The following MYO3A variants were observed in gnomAD, a reference collection of about 807,000 sequenced individuals.
MYO3A encodes myosin-IIIa.
In MYO3A, 180 loss-of-function variants were observed where a neutral mutation model predicts 192.7. That is an observed-to-expected ratio of 0.93 (90% CI 0.83 to 1.06). MYO3A has a LOEUF of 1.06. Ranked by LOEUF, MYO3A falls within the 50% of genes least tolerant of loss-of-function variation. The pLI is 0.00. For missense variants in MYO3A, 1,896 were observed against 1,905.0 expected, an observed-to-expected ratio of 1.00 and a Z score of 0.09; for synonymous variants, 628 against 645.3, an observed-to-expected ratio of 0.97 and a Z score of 0.41.
intron 23 of MYO3A, among the ~76,000 whole-genome samples, chr10:26,153,138 A>C (rs1423074909): frequency 6.6e-6 from 1 of 152,208 alleles, no homozygotes; most frequent in Non-Finnish European, 1.5e-5. Flanking sequence ...TGTGAAAGTG[A>C]ACTGCATTTC....
At chr10:26,090,233 T>C (rs897498420) in intron 15 of MYO3A, among the ~76,000 whole-genome samples, 3 of 152,216 alleles carry the variant, frequency 2.0e-5, no homozygotes, top group Non-Finnish European at 4.4e-5. Context: ...TAATTCACGG[T>C]GTATTCTATG....
At chr10:26,200,401 CCA>C (rs1843628406) in intron 32 of MYO3A, among the ~76,000 whole-genome samples, 1 of 152,170 alleles carries the variant, frequency 6.6e-6, no homozygotes, top group South Asian at 2.1e-4. Flanking sequence ...TATAGGGTTT[CCA>C]CAGTTATAAT....
At position 26,157,515 on chromosome 10, in the gene MYO3A, G is replaced by A. The variant is rs755548787; in HGVS notation, c.2999G>A (p.Arg1000Gln). 1.3e-5 allele frequency: 21 copies of A among 1,612,274 alleles called. No homozygotes were observed. The highest frequency in any genetic ancestry group is 6.7e-5 in the Admixed American group (4 of 59,988). ...HRILFANFIK[R>Q]YYLLCYKSSE... ...ATACTTTTTGCTAACTTTATAAAGC[G>A]GTATGTGGATTTCTTTTTCAGTTTC... The change falls in exon 26 of 35, where the codon CGG becomes CAG. Residue 1000 changes from arginine to glutamine, a missense_variant and splice_region_variant. Transcript: ENST00000642920.
chr10:26,128,499 T>G lies in MYO3A; in HGVS notation c.2223T>G (p.Ile741Met). 1 of 1,612,784 alleles carries G rather than the reference T, an allele frequency of 6.2e-7. No homozygotes were observed. The highest frequency in any genetic ancestry group is 8.5e-7 in the Non-Finnish European group (1 of 1,179,192). Residue 741 changes from isoleucine (I) to methionine (M), a missense_variant, in exon 20 of 35, where the codon ATT becomes ATG. Transcript: ENST00000642920. ...GCATTAACATTGCAAATGAACAAAT[T>G]CAGTATTATTATAATCAACATGTGT... ...QLCINIANEQ[I>M]QYYYNQHVFA...
intron 10 of MYO3A, among the ~76,000 whole-genome samples, chr10:26,046,995 C>T (rs1450320847): frequency 2.6e-5 from 4 of 152,134 alleles, no homozygotes; most frequent in Non-Finnish European, 5.9e-5. Flanking sequence ...TCCCAAATTC[C>T]TGTAATGTAA....
intron 34 of MYO3A, among the ~76,000 whole-genome samples, chr10:26,205,126 A>AT (rs1843853263): frequency 6.6e-6 from 1 of 152,118 alleles, no homozygotes; most frequent in Non-Finnish European, 1.5e-5. Flanking sequence ...GTGCCTTGTG[A>AT]TTTTTTTAAT....
intron 8 of MYO3A, chr10:26,021,918 C>A: frequency 2.2e-6 from 1 of 445,714 alleles, no homozygotes; most frequent in East Asian, 4.8e-5. Context: ...CAGTTCCTCC[C>A]ACCCTTTATC....
At chr10:26,056,141 G>A (rs11014932) in intron 10 of MYO3A, among the ~76,000 whole-genome samples, 72,772 of 151,900 alleles carry the variant, frequency 0.48, 18,175 homozygotes, top group Middle Eastern at 0.59. Context: ...GTAGAGAGAT[G>A]GGAATTCTGA....
chr10:26,206,946 T>G (rs1016315034), intron 34 of MYO3A, among the ~76,000 whole-genome samples: 23 of 152,224 alleles, frequency 1.5e-4, no homozygotes, highest in Non-Finnish European at 1.0e-4. Flanking sequence ...CCCCAATGAT[T>G]AGTGATATTG....
Position 26,176,760 on chromosome 10 carries a change from G to T in MYO3A, c.4353G>T (p.Leu1451Phe). The T allele has an allele frequency of 1.2e-6, 2 of 1,612,612 alleles. No homozygotes were observed. The highest frequency in any genetic ancestry group is 1.7e-6 in the Non-Finnish European group (2 of 1,178,638). ...AGAAAAAATTGAATGAAATGATTTT[G>T]TCACAGCAACTGAAGTCACTTTATC... ...ILQKKLNEMILSQQLKSLYLG... is the reference protein window; with the variant it reads ...ILQKKLNEMIFSQQLKSLYLG... Residue 1451 changes from leucine to phenylalanine, a missense_variant, in exon 31 of 35, where the codon TTG becomes TTT. By Grantham distance (22) the Leu-to-Phe change is conservative. Transcript: ENST00000642920.
rs974315711 is a variant in MYO3A, at chr10:26,165,158, T to C, written c.3000-909T>C. Among the ~76,000 whole-genome samples, 5 of 152,274 alleles carry C rather than the reference T, an allele frequency of 3.3e-5. No homozygotes were observed. In the East Asian group the frequency reaches 9.7e-4, roughly 29 times the overall value. ...CCGGACTCATTTTTAGATGAGGAAA[T>C]TGATACTTAATTGTGACATGTCCAA... On this transcript the variant is annotated intron_variant, in intron 26 of 34. Coordinates refer to ENST00000642920, the MANE Select transcript of MYO3A (RefSeq NM_017433.5).
chr10:26,070,600 T>C lies in MYO3A; in HGVS notation c.1359+199T>C, dbSNP rs570645185. Among the ~76,000 whole-genome samples the C allele has an allele frequency of 2.3e-4, 35 of 152,220 alleles. 1 individual carries two copies. The South Asian group carries it at 7.2e-3, about 32-fold the overall frequency. ...TACTCTGTTTTGAGGATTTTCTAAC[T>C]TTTATCACACTTATTAGGCAAGGCT... On this transcript the variant is annotated intron_variant, in intron 14 of 34. Transcript: ENST00000642920.
chr10:26,059,096 T>G (rs1056647149), intron 10 of MYO3A, among the ~76,000 whole-genome samples: 2 of 152,142 alleles, frequency 1.3e-5, no homozygotes, highest in African/African-American at 4.8e-5. Context: ...GCTGACTCTT[T>G]CAGATTTTCA....
intron 2 of MYO3A, among the ~76,000 whole-genome samples, chr10:25,946,097 G>C (rs1229755368): frequency 6.6e-6 from 1 of 152,110 alleles, no homozygotes; most frequent in Non-Finnish European, 1.5e-5. Flanking sequence ...ATTTGTGTTT[G>C]AAATTCAAGA....
chr10:26,032,504 T>TA (rs1165914081), intron 10 of MYO3A, among the ~76,000 whole-genome samples: 6 of 152,106 alleles, frequency 3.9e-5, no homozygotes, highest in African/African-American at 1.4e-4. Flanking sequence ...TAATCCCAGC[T>TA]ACTCAGGAGG....
At chr10:26,100,499 G>A (rs914211413) in intron 17 of MYO3A, among the ~76,000 whole-genome samples, 1 of 152,036 alleles carries the variant, frequency 6.6e-6, no homozygotes, top group Non-Finnish European at 1.5e-5. Context: ...GTGATGTTAG[G>A]GTGTCAATTT....
Position 26,143,561 on chromosome 10 carries a change from A to T in MYO3A, c.2376A>T (p.Glu792Asp), listed in dbSNP as rs758480848. ...KPMGLLSLLD[E>D]ESRFPKATDQ... ...TGGGTTTACTTTCCCTACTTGATGA[A>T]GAAAGTAGATTTCCCAAGGCCACTG... The change falls in exon 21 of 35, where the codon GAA (glutamate) becomes GAT (aspartate). Residue 792 changes from glutamate (E) to aspartate (D), a missense_variant. Transcript: ENST00000642920. 1 of 1,614,086 alleles carries T rather than the reference A, an allele frequency of 6.2e-7. No individual in the cohort carries two copies. The highest frequency in any genetic ancestry group is 1.7e-4 in the Middle Eastern group (1 of 6,060).
At chr10:26,081,366 C>T (rs1001635997) in intron 14 of MYO3A, among the ~76,000 whole-genome samples, 1 of 152,016 alleles carries the variant, frequency 6.6e-6, no homozygotes, top group Admixed American at 6.5e-5. Context: ...AGTCAAAGGC[C>T]TCACCCAGCT....
chr10:25,942,153 C>T (rs902102915), intron 2 of MYO3A, among the ~76,000 whole-genome samples: 2 of 152,088 alleles, frequency 1.3e-5, no homozygotes, highest in African/African-American at 2.4e-5. Context: ...AGGCATATGC[C>T]ATCACACCTG....
Sources: allele counts gnomAD v4.1 joint callset (sites outside exome capture counted in the v4.1 genomes callset), GRCh38; gene constraint gnomAD v4.1.1; transcripts MANE v1.5; gene names NCBI Gene and HGNC (gene_info 2026-07-23, HGNC 2026-07-21).